The following ALDH7A1 variants were observed in gnomAD, a reference collection of about 807,000 sequenced individuals.
ALDH7A1 encodes the protein alpha-aminoadipic semialdehyde dehydrogenase.
A neutral mutation model predicts 79.9 loss-of-function variants in ALDH7A1; 63 were observed. The ratio of observed to expected loss-of-function variants is 0.79; its 90% CI spans 0.64 to 0.97. The LOEUF is 0.97. ALDH7A1 is among the 50% of genes least tolerant of loss of function. ALDH7A1 has a pLI of 0.00. For synonymous variants in ALDH7A1, 240 were observed against 231.2 expected (o/e 1.04, Z -0.34); for missense variants, 627 against 665.2 (o/e 0.94, Z 0.63).
rs1364435975 is a variant in ALDH7A1, at chr5:126,564,331, G to A, written c.872-3207C>T. ...TAGCTAATTTTTTTGTATTTTAGTAGGGATGGGAGTTTCACCATGTAGCCC... is the reference window on the plus strand; with the variant it reads ...TAGCTAATTTTTTTGTATTTTAGTAAGGATGGGAGTTTCACCATGTAGCCC... On this transcript the variant is annotated intron_variant, in intron 9 of 17. Transcript: ENST00000409134. 3 of 327,864 alleles carry A rather than the reference G, an allele frequency of 9.2e-6. No individual in the cohort carries two copies. In the East Asian group the frequency reaches 1.4e-4, roughly 15 times the overall value. The allele number at this position is 327,864 out of a possible 1,614,324, so 20.3% of individuals were successfully genotyped here. A position where few individuals can be genotyped will look rare whatever the true frequency, so the allele number is the denominator to read the frequency against.
Position 126,565,370 on chromosome 5 carries a change from G to A in ALDH7A1, c.871+2889C>T, listed in dbSNP as rs1006518967. ...ATCTCCCCACTGCACTCCAGCCTGG[G>A]CAACAGAGCGTGAGATTCCATCTCA... is the stretch of plus-strand genomic sequence containing the variant. On this transcript the variant is annotated intron_variant, in intron 9 of 17. Coordinates refer to ENST00000409134, the MANE Select transcript of ALDH7A1 (RefSeq NM_001182.5). Among the ~76,000 whole-genome samples, 73 of 125,690 alleles carry A rather than the reference G, an allele frequency of 5.8e-4. 1 individual carries two copies. Among genetic ancestry groups the A allele is most frequent in the Non-Finnish European group, 1.0e-3 (67 of 63,880 alleles). The allele number at this position is 125,690 out of a possible 152,430, so 82.5% of individuals were successfully genotyped here.
chr5:126,560,144 C>T (rs1160543168), intron 10 of ALDH7A1, among the ~76,000 whole-genome samples: 3 of 152,014 alleles, frequency 2.0e-5, no homozygotes, highest in African/African-American at 7.2e-5. Context: ...TCACTAAATG[C>T]GAACTATATT....
At chr5:126,560,343 C>T (rs56189006) in intron 10 of ALDH7A1, among the ~76,000 whole-genome samples, 163 of 152,028 alleles carry the variant, frequency 1.1e-3, no homozygotes, top group African/African-American at 3.6e-3. Flanking sequence ...TGGTGGCATG[C>T]GCCTGTAATT....
At chr5:126,579,681 G>A (rs1241355557) in intron 5 of ALDH7A1, among the ~76,000 whole-genome samples, 1 of 152,094 alleles carries the variant, frequency 6.6e-6, no homozygotes, top group African/African-American at 2.4e-5. Context: ...GTGTAAGCTA[G>A]GTGTGGTGGC....
At chr5:126,556,094 T>C (rs1425854202) in intron 11 of ALDH7A1, 79 bp from the exon 12 acceptor site, 19 of 849,770 alleles carry the variant, frequency 2.2e-5, no homozygotes, top group South Asian at 1.3e-4. Flanking sequence ...CCTTGATAGT[T>C]ACTGAAATAC....
intron 5 of ALDH7A1, among the ~76,000 whole-genome samples, chr5:126,578,775 T>G (rs918373806): frequency 6.6e-6 from 1 of 152,168 alleles, no homozygotes; most frequent in Non-Finnish European, 1.5e-5. Flanking sequence ...CTGGACAGTA[T>G]AGAACCATAC....
chr5:126,553,316 G>C (rs1246836175), intron 13 of ALDH7A1: 2 of 152,168 alleles, frequency 1.3e-5, no homozygotes, highest in Non-Finnish European at 2.9e-5. Flanking sequence ...ATACGGATAT[G>C]AATTTGCATA....
Position 126,592,721 on chromosome 5 carries a change from C to T in ALDH7A1, c.255G>A (p.Val85=), listed in dbSNP as rs745653970. The change falls in exon 3 of 18, where the codon GTG becomes GTA. Residue 85 remains valine (V), a synonymous_variant. Transcript: ENST00000409134. The stretch of plus-strand genomic sequence containing the variant: ...TCTTTACAGTTTCTTCATAGTCTGC[C>T]ACACTGGCCTAAATTAAGAATTAGG... The part of the protein sequence containing the change: ...EPIARVRQAS[V]ADYEETVKKA... 1 of 1,613,912 alleles carries T rather than the reference C, an allele frequency of 6.2e-7. No individual in the cohort carries two copies. The highest frequency in any genetic ancestry group is 8.5e-7 in the Non-Finnish European group (1 of 1,179,934).
chr5:126,568,276 A>G lies in ALDH7A1; in HGVS notation c.854T>C (p.Met285Thr). The change falls in exon 9 of 18, where the codon ATG (methionine) becomes ACG (threonine). Residue 285 changes from methionine (M) to threonine (T), a missense_variant. Met to Thr is a moderately conservative substitution (Grantham distance 81, BLOSUM62 -1). Transcript: ENST00000409134. ...ACACTTACCAAACCTCTCCTGCACC[A>G]TCAGGCCCACCTGTTTTCCCACCTG... Reference protein sequence around the residue: ...STQVGKQVGLMVQERFGRSLL... With the variant: ...STQVGKQVGLTVQERFGRSLL... The G allele has an allele frequency of 6.2e-7, 1 of 1,614,152 alleles. No homozygotes were observed. Among genetic ancestry groups the G allele is most frequent in the Non-Finnish European group, 8.5e-7 (1 of 1,179,990 alleles).
At chr5:126,555,337 G>A (rs1750153642) in intron 12 of ALDH7A1, 1 of 154,388 alleles carries the variant, frequency 6.5e-6, no homozygotes, top group African/African-American at 2.4e-5. Flanking sequence ...ATGAAAATCA[G>A]TCAAGCGTGG....
chr5:126,550,431 C>T, intron 14 of ALDH7A1, 138 bp from the exon 15 acceptor site: 1 of 709,644 alleles, frequency 1.4e-6, no homozygotes, highest in Non-Finnish European at 2.4e-6. Flanking sequence ...TTTACTCACT[C>T]TGTTTCTCTT....
rs754803091 is a variant in ALDH7A1, at chr5:126,550,007, G to A, written c.1416-5C>T. 8 of 1,613,850 alleles carry A rather than the reference G, an allele frequency of 5.0e-6. No homozygotes were observed. Among genetic ancestry groups the A allele is most frequent in the Non-Finnish European group, 3.4e-6 (4 of 1,179,778 alleles). ...CCACAGTCTGATCCTTTAGGTCTGT[G>A]TAAAAAGGGAGGCATGGTGAGAGCA... On this transcript the variant is annotated splice_polypyrimidine_tract_variant and splice_region_variant and intron_variant, in intron 15 of 17. Coordinates refer to ENST00000409134, the MANE Select transcript of ALDH7A1 (RefSeq NM_001182.5).
At position 126,549,333 on chromosome 5, in the gene ALDH7A1, T is replaced by C. The variant is rs186421179; in HGVS notation, c.1489+596A>G. 2.0e-3 allele frequency among the ~76,000 whole-genome samples: 302 copies of C among 152,236 alleles called. 2 individuals are homozygous for C. The highest frequency in any genetic ancestry group is 7.0e-3 in the African/African-American group (290 of 41,554). On this transcript the variant is annotated intron_variant, in intron 16 of 17. Transcript: ENST00000409134. ...TTTTACAAGTATTAATGCATGTTTGTTTTGCTTCTATATTTAAAAAAAACA... is the reference window on the plus strand; with the variant it reads ...TTTTACAAGTATTAATGCATGTTTGCTTTGCTTCTATATTTAAAAAAAACA...
At chr5:126,564,609 T>A (rs1247736085) in intron 9 of ALDH7A1, 1 of 1,232,806 alleles carries the variant, frequency 8.1e-7, no homozygotes, top group East Asian at 3.2e-5. Flanking sequence ...CAGGTAAGCA[T>A]CAAGTGAATA....
chr5:126,577,347 T>C, intron 5 of ALDH7A1, 136 bp from the exon 6 acceptor site: 1 of 1,086,786 alleles, frequency 9.2e-7, no homozygotes, highest in Non-Finnish European at 1.4e-6. Context: ...AGCCATGGGA[T>C]ATCAGTACAT....
At chr5:126,577,288 A>G in intron 5 of ALDH7A1, 77 bp from the exon 6 acceptor site, 1 of 1,524,386 alleles carries the variant, frequency 6.6e-7, no homozygotes, top group African/African-American at 1.4e-5. Flanking sequence ...ACAAACGTAC[A>G]GCAGACTGGA....
Position 126,559,349 on chromosome 5 carries a change from A to G in ALDH7A1, c.914-15T>C. ...ATCTTCAAAGGCTTAGGAAAGCACA[A>G]ACACTTCCATCAGCGAACCAAAACA... On this transcript the variant is annotated splice_polypyrimidine_tract_variant and intron_variant, in intron 10 of 17. Transcript: ENST00000409134. The G allele has an allele frequency of 1.2e-6, 2 of 1,606,844 alleles. No homozygotes were observed. The highest frequency in any genetic ancestry group is 1.1e-5 in the South Asian group (1 of 90,868).
intron 3 of ALDH7A1, 97 bp from the exon 4 acceptor site, chr5:126,584,109 CA>C: frequency 9.4e-7 from 1 of 1,063,120 alleles, no homozygotes; most frequent in Non-Finnish European, 1.5e-6. Context: ...AAATTACAAT[CA>C]TATCAAAGAA....
intron 9 of ALDH7A1, among the ~76,000 whole-genome samples, chr5:126,564,956 T>TCTA (rs1024150943): frequency 7.2e-5 from 11 of 152,220 alleles, no homozygotes; most frequent in African/African-American, 2.6e-4. Flanking sequence ...AAATTATAAT[T>TCTA]CTACTACTAC....
Sources: allele counts gnomAD v4.1 joint callset (sites outside exome capture counted in the v4.1 genomes callset), GRCh38; gene constraint gnomAD v4.1.1; transcripts MANE v1.5; gene names NCBI Gene and HGNC (gene_info 2026-07-23, HGNC 2026-07-21).